Variants in OSBPL10 observed in about 807,000 individuals in gnomAD.
OSBPL10 encodes oxysterol binding protein like 10, also known as oxysterol-binding protein-related protein 10.
A neutral mutation model predicts 81.7 loss-of-function variants in OSBPL10; 49 were observed. The observed-to-expected ratio is 0.60, with a 90% confidence interval of 0.48 to 0.76. The LOEUF is 0.76. Among genes scored for constraint, OSBPL10 ranks in the 30% least tolerant of loss-of-function variants. OSBPL10 has a pLI of 0.00. For missense variants in OSBPL10, 923 were observed against 987.8 expected (o/e 0.93, Z 0.88); for synonymous variants, 419 against 383.6 (o/e 1.09, Z -1.08).
intron 1 of OSBPL10, among the ~76,000 whole-genome samples, chr3:32,051,521 C>T (rs975299445): frequency 3.3e-5 from 5 of 152,168 alleles, no homozygotes; most frequent in South Asian, 2.1e-4. Context: ...AATGTCCTCA[C>T]CCCCCACTGA....
chr3:31,952,735 C>T (rs1430750543), intron 1 of OSBPL10, among the ~76,000 whole-genome samples: 3 of 152,070 alleles, frequency 2.0e-5, no homozygotes, highest in Admixed American at 6.6e-5. Context: ...TCTGATATTA[C>T]TAAATATTAA....
intron 1 of OSBPL10, among the ~76,000 whole-genome samples, chr3:31,956,238 CTT>C (rs368193041): frequency 9.1e-4 from 139 of 152,316 alleles, no homozygotes; most frequent in African/African-American, 3.1e-3. Context: ...GAGTAAAACT[CTT>C]TAGTACAGGA....
In OSBPL10 at chr3:31,662,125, GAAGA is replaced by G; in HGVS notation, c.2251-13_2251-10del. 1.9e-6 allele frequency: 3 copies of G among 1,614,028 alleles called. No individual in the cohort carries two copies. The highest frequency in any genetic ancestry group is 2.5e-6 in the Non-Finnish European group (3 of 1,179,986). ...TATACCCAGCCATCGCCCTGCAAGAGAAGAAAGGAGGCATTATTACATGGAGACC... is the reference window on the plus strand; with the variant it reads ...TATACCCAGCCATCGCCCTGCAAGAGAAGGAGGCATTATTACATGGAGACC... On this transcript the variant is annotated splice_polypyrimidine_tract_variant and intron_variant, in intron 11 of 11. Transcript: ENST00000396556.
In OSBPL10 at chr3:31,699,318, C is replaced by T. The variant is rs377702120; in HGVS notation, c.1245+3041G>A. 2.0e-4 allele frequency among the ~76,000 whole-genome samples: 30 copies of T among 152,284 alleles called. No homozygotes were observed. The East Asian group carries it at 4.4e-3, about 23-fold the overall frequency. On this transcript the variant is annotated intron_variant, in intron 7 of 11. Coordinates refer to ENST00000396556, the MANE Select transcript of OSBPL10 (RefSeq NM_017784.5). ...CTCTGCAGGACCTGATCCTAACGTC[C>T]ACTCCAGGTTCAATGGAGCCACTCA...
At chr3:31,810,042 C>T (rs6809137) in intron 4 of OSBPL10, among the ~76,000 whole-genome samples, 39,112 of 151,548 alleles carry the variant, frequency 0.26, 6,414 homozygotes, top group African/African-American at 0.46. Flanking sequence ...CGGCTAATTT[C>T]GTATCTTTGA....
rs547374201 is a variant in OSBPL10, at chr3:31,663,850, G to C, written c.2250+229C>G. 25 of 1,423,514 alleles carry C rather than the reference G, an allele frequency of 1.8e-5. No homozygotes were observed. In the East Asian group the frequency reaches 6.3e-4, roughly 36 times the overall value. 88.2% of individuals were successfully genotyped at this position (1,423,514 alleles called of 1,614,324 possible). ...TTTCTGACATAGGGATACTGGAGGG[G>C]AAGTGTCAGTTGCTCAGTTCTGCCC... On this transcript the variant is annotated intron_variant, in intron 11 of 11. Coordinates refer to ENST00000396556, the MANE Select transcript of OSBPL10 (RefSeq NM_017784.5).
Position 31,875,082 on chromosome 3 carries a change from TAA to T in OSBPL10, c.537+1349_537+1350del, listed in dbSNP as rs555527834. On this transcript the variant is annotated intron_variant, in intron 3 of 11. Coordinates refer to ENST00000396556, the MANE Select transcript of OSBPL10 (RefSeq NM_017784.5). Reference sequence around the variant, plus strand: ...AAAAAGATCTCCAAAATATATTAAGTAAAAAAAAAAAAAAAAAAAGGAGAAAA... The same window carrying T: ...AAAAAGATCTCCAAAATATATTAAGTAAAAAAAAAAAAAAAAAGGAGAAAA... Among the ~76,000 whole-genome samples the T allele has an allele frequency of 5.3e-3, 547 of 103,048 alleles. 5 individuals carry two copies. The highest frequency in any genetic ancestry group is 0.018 in the African/African-American group (504 of 27,276). 67.6% of individuals were successfully genotyped at this position (103,048 alleles called of 152,430 possible). A position where few individuals can be genotyped will look rare whatever the true frequency, so the allele number is the denominator to read the frequency against.
intron 1 of OSBPL10, among the ~76,000 whole-genome samples, chr3:31,980,506 C>T (rs1698803385): frequency 6.6e-6 from 1 of 152,152 alleles, no homozygotes; most frequent in Admixed American, 6.5e-5. Context: ...GCTTTTTCAC[C>T]CCGGCACAAA....
At chr3:31,938,179 C>A (rs1192658999) in intron 1 of OSBPL10, among the ~76,000 whole-genome samples, 1 of 152,090 alleles carries the variant, frequency 6.6e-6, no homozygotes, top group Non-Finnish European at 1.5e-5. Flanking sequence ...CTCCAATTTG[C>A]TAGCACCTCT....
intron 3 of OSBPL10, among the ~76,000 whole-genome samples, chr3:31,860,683 G>A (rs1701036379): frequency 6.6e-6 from 1 of 152,002 alleles, no homozygotes; most frequent in Admixed American, 6.6e-5. Flanking sequence ...TTTTGTTGTT[G>A]TTGTTGTTTT....
In OSBPL10 at chr3:31,992,578, T is replaced by A. The variant is rs1044321672; in HGVS notation, n.298+53913A>T. Among the ~76,000 whole-genome samples, 7 of 152,316 alleles carry A rather than the reference T, an allele frequency of 4.6e-5. No homozygotes were observed. The South Asian group carries it at 1.0e-3, about 23-fold the overall frequency. The stretch of plus-strand genomic sequence containing the variant: ...ATCACTCCAATCTCTGGTTCTGTCA[T>A]TGCATCTCCTTCTCTGACTCTGACC... On this transcript the variant is annotated intron_variant and non_coding_transcript_variant, in intron 2 of 3. Coordinates refer to the OSBPL10 transcript ENST00000479173.
At chr3:31,877,703 G>T (rs527591247) in intron 2 of OSBPL10, among the ~76,000 whole-genome samples, 1 of 152,156 alleles carries the variant, frequency 6.6e-6, no homozygotes, top group East Asian at 1.9e-4. Context: ...TTACCAAATG[G>T]GAAATTCGTT....
chr3:31,664,168 T>G lies in OSBPL10; in HGVS notation c.2161A>C (p.Lys721Gln). The G allele has an allele frequency of 6.2e-7, 1 of 1,613,638 alleles. No individual in the cohort carries two copies. Among genetic ancestry groups the G allele is most frequent in the Non-Finnish European group, 8.5e-7 (1 of 1,179,992 alleles). The change falls in exon 11 of 12, where the codon AAG (lysine) becomes CAG (glutamine). Residue 721 changes from lysine to glutamine, a missense_variant. Lys to Gln is a moderately conservative substitution (Grantham distance 53). Coordinates refer to ENST00000396556, the MANE Select transcript of OSBPL10 (RefSeq NM_017784.5). ...CGTTGCTTCTCCTCCAGGTGCCGCT[T>G]CTGCTCGGTGGCTGCGTCAATGTCC... The part of the protein sequence containing the change: ...LGDIDAATEQ[K>Q]RHLEEKQRVE...
At chr3:31,850,744 T>TC (rs1321102953) in intron 3 of OSBPL10, among the ~76,000 whole-genome samples, 88 of 152,338 alleles carry the variant, frequency 5.8e-4, no homozygotes, top group African/African-American at 2.1e-3. Flanking sequence ...ACTGAACCTG[T>TC]CTTTGATTAA....
intron 2 of OSBPL10, among the ~76,000 whole-genome samples, chr3:31,999,344 T>C (rs1298810082): frequency 6.8e-6 from 1 of 147,600 alleles, no homozygotes; most frequent in African/African-American, 2.5e-5. Context: ...ACTTTTCAGA[T>C]AAAAATATCA....
chr3:31,838,849 T>G (rs1451254971), intron 3 of OSBPL10, among the ~76,000 whole-genome samples: 4 of 152,240 alleles, frequency 2.6e-5, no homozygotes, highest in African/African-American at 9.6e-5. Flanking sequence ...TGGTTTTTAA[T>G]TAACTATTCC....
chr3:32,069,991 G>A (rs73823841), intron 1 of OSBPL10, among the ~76,000 whole-genome samples: 17,671 of 152,200 alleles, frequency 0.12, 1,036 homozygotes, highest in Middle Eastern at 0.13. Context: ...TCACATCGCC[G>A]CTGCTTCTAA....
At chr3:31,728,502 A>G (rs1696877149) in intron 6 of OSBPL10, among the ~76,000 whole-genome samples, 2 of 152,230 alleles carry the variant, frequency 1.3e-5, no homozygotes, top group Admixed American at 1.3e-4. Context: ...TGAGAAATTT[A>G]AAGTTATCAA....
At chr3:31,860,463 G>T (rs1575587480) in intron 3 of OSBPL10, among the ~76,000 whole-genome samples, 1 of 152,280 alleles carries the variant, frequency 6.6e-6, no homozygotes, top group East Asian at 1.9e-4. Context: ...AGGGGCTCCA[G>T]GCAGAAAGCC....
Sources: allele counts gnomAD v4.1 joint callset (sites outside exome capture counted in the v4.1 genomes callset), GRCh38; gene constraint gnomAD v4.1.1; transcripts MANE v1.5; gene names NCBI Gene and HGNC (gene_info 2026-07-23, HGNC 2026-07-21).